MPST: variants seen among roughly 807,000 people sequenced by gnomAD.
MPST encodes 3-mercaptopyruvate sulfurtransferase.
MPST carries 27 observed loss-of-function variants against 28.5 expected under a neutral mutation model. That is an observed-to-expected ratio of 0.95 (90% CI 0.70 to 1.31). The LOEUF (loss-of-function observed/expected upper bound fraction) is 1.31. Among genes scored for constraint, MPST ranks in the 50% most tolerant of loss-of-function variants. The pLI is 0.00. For missense variants in MPST, 492 were observed against 471.1 expected (o/e 1.04, Z -0.41); for synonymous variants, 204 against 209.3 (o/e 0.97, Z 0.22).
At chr22:37,023,948 C>T (rs1359146995) in intron 1 of MPST, 5 of 1,524,174 alleles carry the variant, frequency 3.3e-6, no homozygotes, top group Non-Finnish European at 3.5e-6. Context: ...TGGCCTGGGG[C>T]TCTCCGGGAG....
chr22:37,020,847 T>C (rs1923014973), intron 1 of MPST, among the ~76,000 whole-genome samples: 1 of 152,178 alleles, frequency 6.6e-6, no homozygotes, highest in Admixed American at 6.5e-5. Flanking sequence ...TTGGTAGAGA[T>C]GGGGTTTCAC....
intron 2 of MPST, chr22:37,028,899 T>A (rs920541794): frequency 6.8e-6 from 2 of 294,836 alleles, no homozygotes; most frequent in Non-Finnish European, 1.3e-5. Context: ...AGGGGTCTTG[T>A]TTATTGCTTT....
At chr22:37,024,168 T>A in intron 1 of MPST, 24 bp from the exon 2 acceptor site, 1 of 1,371,302 alleles carries the variant, frequency 7.3e-7, no homozygotes, top group Non-Finnish European at 9.3e-7. Context: ...CTGCTTCCCT[T>A]CTGACATCCT....
intron 2 of MPST, chr22:37,028,890 G>A (rs748532266): frequency 4.8e-5 from 13 of 269,206 alleles, no homozygotes; most frequent in Non-Finnish European, 9.2e-5. Flanking sequence ...TAGCTAGGCA[G>A]GGGTCTTGTT....
chr22:37,022,135 G>A (rs1923120946), intron 1 of MPST, among the ~76,000 whole-genome samples: 1 of 152,094 alleles, frequency 6.6e-6, no homozygotes, highest in Non-Finnish European at 1.5e-5. Flanking sequence ...TGCCAGCACA[G>A]CGCCCCCTAG....
In MPST at chr22:37,029,516, G is replaced by C. The variant is rs1923761746; in HGVS notation, c.*2G>C. The C allele has an allele frequency of 1.3e-6, 2 of 1,599,468 alleles. No homozygotes were observed. The highest frequency in any genetic ancestry group is 4.5e-5 in the East Asian group (2 of 44,356). On this transcript the variant is annotated 3_prime_UTR_variant, in exon 3 of 3. Transcript: ENST00000429360. The stretch of plus-strand genomic sequence containing the variant: ...GAGGGCCGGGGGAAGACCCACTGAA[G>C]CTGGGCAGGACACAGGCGAGCTCAG...
intron 1 of MPST, chr22:37,020,118 G>A: frequency 7.7e-6 from 3 of 387,208 alleles, no homozygotes; most frequent in Non-Finnish European, 1.4e-5. Flanking sequence ...CACCAGAGAG[G>A]GCGGGGGAGA....
At chr22:37,025,999 A>G (rs1363168032) in intron 2 of MPST, 3 of 152,278 alleles carry the variant, frequency 2.0e-5, no homozygotes, top group Non-Finnish European at 4.4e-5. Flanking sequence ...TCCCTGTTGC[A>G]TGGAATCCTG....
chr22:37,025,149 C>A, intron 2 of MPST: 1 of 1,363,862 alleles, frequency 7.3e-7, no homozygotes. Flanking sequence ...GATTTGACTT[C>A]CACTTGCCTC....
Position 37,027,663 on chromosome 22 carries a change from T to A in MPST, c.656-1553T>A. On this transcript the variant is annotated intron_variant, in intron 2 of 2. Transcript: ENST00000429360. ...GTCTTACTCCAGGCCTGCTAAGGCG[T>A]TCCCATCCCCTTCAGCTTCCCCTTT... The A allele has an allele frequency of 1.3e-5, 2 of 152,322 alleles. 1 individual carries two copies. The allele number at this position is 152,322 out of a possible 1,614,324, so 9.4% of individuals were successfully genotyped here.
intron 2 of MPST, 45 bp from the exon 3 acceptor site, chr22:37,029,171 T>C: frequency 6.4e-6 from 10 of 1,568,300 alleles, no homozygotes; most frequent in Non-Finnish European, 8.7e-6. Context: ...GTACCATTCA[T>C]AGCATCCTTC....
chr22:37,022,147 T>C (rs1923122198), intron 1 of MPST, among the ~76,000 whole-genome samples: 1 of 152,086 alleles, frequency 6.6e-6, no homozygotes, highest in Non-Finnish European at 1.5e-5. Flanking sequence ...GCCCCCTAGC[T>C]GTGCTGTAAC....
intron 1 of MPST, 104 bp from the exon 2 acceptor site, chr22:37,024,088 G>C: frequency 1.6e-6 from 2 of 1,267,802 alleles, no homozygotes; most frequent in South Asian, 1.8e-5. Flanking sequence ...TGCCCTGCAC[G>C]GGCCGCACCT....
chr22:37,019,955 C>T (rs1922937446), intron 1 of MPST, 83 bp downstream of exon 1: 2 of 678,012 alleles, frequency 2.9e-6, no homozygotes, highest in East Asian at 6.9e-5. Context: ...GGCTCCCGCG[C>T]GGGACCTGGG....
chr22:37,024,242 G>C lies in MPST; in HGVS notation c.87G>C (p.Ala29=), dbSNP rs750340302. 4.9e-6 allele frequency: 7 copies of C among 1,420,788 alleles called. No homozygotes were observed. The Admixed American group carries it at 1.3e-4, about 26-fold the overall frequency. The allele number at this position is 1,420,788 out of a possible 1,614,324, so 88.0% of individuals were successfully genotyped here. A position where few individuals can be genotyped will look rare whatever the true frequency, so the allele number is the denominator to read the frequency against. Reference sequence around the variant, plus strand: ...TGGCTTCGCCGCAGCTCTGCCGCGCGCTGGTGTCGGCGCAATGGGTGGCGG... The same window carrying C: ...TGGCTTCGCCGCAGCTCTGCCGCGCCCTGGTGTCGGCGCAATGGGTGGCGG... ...AAMASPQLCR[A]LVSAQWVAEA... is the part of the protein sequence containing the mutation. Residue 29 remains alanine, a synonymous_variant, in exon 2 of 3, where the codon GCG becomes GCC. Transcript: ENST00000429360.
At chr22:37,024,127 C>T (rs1383413215) in intron 1 of MPST, 65 bp from the exon 2 acceptor site, 2 of 1,346,370 alleles carry the variant, frequency 1.5e-6, no homozygotes, top group African/African-American at 3.1e-5. Context: ...CATGCTCCAG[C>T]CCCAGCCCTA....
intron 1 of MPST, among the ~76,000 whole-genome samples, chr22:37,022,654 A>C (rs190992205): frequency 2.0e-3 from 306 of 152,336 alleles, no homozygotes; most frequent in African/African-American, 7.3e-3. Flanking sequence ...TCTAATTGCC[A>C]GTGGCCTCAT....
intron 2 of MPST, 193 bp from the exon 3 acceptor site, chr22:37,029,023 C>T (rs1208856285): frequency 1.7e-6 from 1 of 600,998 alleles, no homozygotes; most frequent in Admixed American, 3.0e-5. Context: ...CTCAGCATCA[C>T]CGTGTATAAA....
At position 37,024,689 on chromosome 22, in the gene MPST, C is replaced by T. The variant is rs762902248; in HGVS notation, c.534C>T (p.Leu178=). 9 of 1,599,350 alleles carry T rather than the reference C, an allele frequency of 5.6e-6. No individual in the cohort carries two copies. Among genetic ancestry groups the T allele is most frequent in the Non-Finnish European group, 7.6e-6 (9 of 1,179,754 alleles). The change falls in exon 2 of 3, where the codon CTC becomes CTT. Residue 178 remains leucine (L), a synonymous_variant. Coordinates refer to ENST00000429360, the MANE Select transcript of MPST (RefSeq NM_021126.8). ...CTCCCGCCGAGTTCCGCGCTCAGCTCGACCCCGCCTTCATCAAGACCTACG... is the reference window on the plus strand; with the variant it reads ...CTCCCGCCGAGTTCCGCGCTCAGCTTGACCCCGCCTTCATCAAGACCTACG... The part of the protein sequence containing the change: ...QPAPAEFRAQ[L]DPAFIKTYED...
Sources: allele counts gnomAD v4.1 joint callset (sites outside exome capture counted in the v4.1 genomes callset), GRCh38; gene constraint gnomAD v4.1.1; transcripts MANE v1.5; gene names NCBI Gene and HGNC (gene_info 2026-07-23, HGNC 2026-07-21).